Variants in RNGTT observed in about 807,000 individuals in gnomAD.
RNGTT encodes RNA guanylyltransferase and 5'-phosphatase.
Under a neutral mutation model 79.3 loss-of-function variants are expected in RNGTT, and 33 were observed. The observed-to-expected ratio is 0.42, with a 90% confidence interval of 0.32 to 0.56. The LOEUF (loss-of-function observed/expected upper bound fraction) is 0.56, where lower values mean the gene tolerates loss of function less well. Ranked by LOEUF, RNGTT falls within the 20% of genes least tolerant of loss-of-function variation. The pLI, the probability that RNGTT is intolerant of heterozygous loss-of-function variation, is 0.17. For missense variants in RNGTT, 497 were observed against 739.1 expected (o/e 0.67, Z 3.80); for synonymous variants, 222 against 235.9 (o/e 0.94, Z 0.54).
chr6:88,791,186 C>T (rs1425064938), intron 12 of RNGTT, among the ~76,000 whole-genome samples: 1 of 147,930 alleles, frequency 6.8e-6, no homozygotes, highest in Non-Finnish European at 1.5e-5. Flanking sequence ...CAATTGTCAC[C>T]AAGGCCTGAG....
chr6:88,701,999 C>T (rs1775964618), intron 13 of RNGTT, among the ~76,000 whole-genome samples: 1 of 152,022 alleles, frequency 6.6e-6, no homozygotes, highest in South Asian at 2.1e-4. Flanking sequence ...CCTATGAATA[C>T]ATCTAACTAA....
At chr6:88,912,016 G>A (rs576687901) in intron 4 of RNGTT, among the ~76,000 whole-genome samples, 3 of 152,222 alleles carry the variant, frequency 2.0e-5, no homozygotes, top group Non-Finnish European at 4.4e-5. Flanking sequence ...CCAGGAGGTC[G>A]AGGCTGCAGT....
At chr6:88,776,642 G>T (rs1582448232) in intron 12 of RNGTT, among the ~76,000 whole-genome samples, 1 of 143,936 alleles carries the variant, frequency 6.9e-6, no homozygotes, top group African/African-American at 2.6e-5. Context: ...GCCACCTGTT[G>T]ACCACTTTCA....
chr6:88,756,840 C>T (rs1778032454), intron 13 of RNGTT, among the ~76,000 whole-genome samples: 1 of 152,108 alleles, frequency 6.6e-6, no homozygotes, highest in African/African-American at 2.4e-5. Context: ...CTAGCAACGT[C>T]GGGGAAACTG....
At chr6:88,705,276 A>C (rs1168061459) in intron 13 of RNGTT, among the ~76,000 whole-genome samples, 1 of 152,202 alleles carries the variant, frequency 6.6e-6, no homozygotes, top group East Asian at 1.9e-4. Flanking sequence ...AAGAAAAAGC[A>C]ACACAAACAA....
chr6:88,862,684 C>A (rs571971899), intron 8 of RNGTT, among the ~76,000 whole-genome samples: 1 of 152,234 alleles, frequency 6.6e-6, no homozygotes, highest in East Asian at 1.9e-4. Context: ...GTCTTGAGGA[C>A]TTTACCTTAT....
intron 12 of RNGTT, among the ~76,000 whole-genome samples, chr6:88,782,759 G>GA (rs1779106423): frequency 6.6e-6 from 1 of 152,046 alleles, no homozygotes; most frequent in Non-Finnish European, 1.5e-5. Flanking sequence ...CTCAAAATAA[G>GA]AAACGTAGAT....
rs188843176 is a variant in RNGTT, at chr6:88,830,060, A to G, written c.1269+14297T>C. On this transcript the variant is annotated intron_variant, in intron 11 of 15. Transcript: ENST00000369485. The stretch of plus-strand genomic sequence containing the variant: ...AGCAGACCTAATAGACATCTACAGA[A>G]CTCTCCAAGCAAAATCAACATAATG... Among the ~76,000 whole-genome samples the G allele has an allele frequency of 1.4e-4, 22 of 152,242 alleles. No individual in the cohort carries two copies. In the East Asian group the frequency reaches 3.9e-3, roughly 27 times the overall value.
chr6:88,842,605 C>T (rs1781331828), intron 11 of RNGTT, among the ~76,000 whole-genome samples: 1 of 152,066 alleles, frequency 6.6e-6, no homozygotes, highest in South Asian at 2.1e-4. Flanking sequence ...AAACAGAAGA[C>T]AATTCCCTGA....
chr6:88,879,636 T>C (rs1346021737), intron 8 of RNGTT, among the ~76,000 whole-genome samples: 1 of 152,126 alleles, frequency 6.6e-6, no homozygotes, highest in African/African-American at 2.4e-5. Flanking sequence ...GTAAATTACA[T>C]AAAAAATCTT....
chr6:88,664,379 G>A (rs1309726265), intron 14 of RNGTT, among the ~76,000 whole-genome samples: 1 of 152,228 alleles, frequency 6.6e-6, no homozygotes, highest in East Asian at 1.9e-4. Context: ...TCAAAGCGCA[G>A]AGGATATTAG....
chr6:88,696,827 T>C (rs564098298), intron 13 of RNGTT, among the ~76,000 whole-genome samples: 3 of 152,252 alleles, frequency 2.0e-5, no homozygotes, highest in South Asian at 4.1e-4. Flanking sequence ...GAACATTATG[T>C]TAGGAAGCCG....
chr6:88,675,015 T>C (rs944732664), intron 14 of RNGTT, among the ~76,000 whole-genome samples: 3 of 151,674 alleles, frequency 2.0e-5, no homozygotes, highest in African/African-American at 4.8e-5. Context: ...GGAGAATCAC[T>C]TGAACTCGGG....
intron 12 of RNGTT, among the ~76,000 whole-genome samples, chr6:88,779,937 T>TGAG (rs1779008585): frequency 6.6e-6 from 1 of 152,186 alleles, no homozygotes; most frequent in Non-Finnish European, 1.5e-5. Flanking sequence ...GAGGTTGCAG[T>TGAG]GAGTCAAGAT....
At chr6:88,918,122 A>G (rs1409291682) in intron 4 of RNGTT, among the ~76,000 whole-genome samples, 1 of 152,172 alleles carries the variant, frequency 6.6e-6, no homozygotes, top group Admixed American at 6.5e-5. Context: ...GTTCAAGACC[A>G]GCCTGGACAA....
At chr6:88,910,324 A>G (rs1211548545) in intron 4 of RNGTT, among the ~76,000 whole-genome samples, 1 of 152,230 alleles carries the variant, frequency 6.6e-6, no homozygotes, top group Admixed American at 6.5e-5. Flanking sequence ...ATTTCAAAAT[A>G]CAATTAAAAA....
At chr6:88,639,596 G>C (rs552023958) in intron 14 of RNGTT, among the ~76,000 whole-genome samples, 1 of 152,140 alleles carries the variant, frequency 6.6e-6, no homozygotes, top group Non-Finnish European at 1.5e-5. Context: ...AGTTCTTGCT[G>C]TATTACTCTC....
intron 12 of RNGTT, among the ~76,000 whole-genome samples, chr6:88,798,456 C>T (rs987574656): frequency 1.3e-5 from 2 of 148,894 alleles, no homozygotes; most frequent in Non-Finnish European, 3.0e-5. Flanking sequence ...CAAAGTGAGA[C>T]CCTGTCTCAA....
chr6:88,889,214 T>TA (rs902406825), intron 8 of RNGTT, among the ~76,000 whole-genome samples: 2 of 152,046 alleles, frequency 1.3e-5, no homozygotes, highest in African/African-American at 4.8e-5. Context: ...CTAAAAAAGC[T>TA]AAAAAATGCT....
Sources: gnomAD v4.1 joint callset for allele counts (sites outside exome capture counted in the v4.1 genomes callset) on GRCh38, gnomAD v4.1.1 for gene constraint, MANE v1.5 for transcripts, NCBI Gene and HGNC (gene_info 2026-07-23, HGNC 2026-07-21) for gene names.